The following CTH variants were observed in gnomAD, a reference collection of about 807,000 sequenced individuals.
The protein encoded by CTH is cystathionine gamma-lyase.
Under a neutral mutation model 50.6 loss-of-function variants are expected in CTH, and 41 were observed. The ratio of observed to expected loss-of-function variants is 0.81; its 90% CI spans 0.63 to 1.05. The LOEUF (loss-of-function observed/expected upper bound fraction) is 1.05. Ranked by LOEUF, CTH falls within the 50% of genes least tolerant of loss-of-function variation. The probability of loss-of-function intolerance (pLI) is 0.00; values close to 1 mark genes in which losing one functional copy is unlikely to be tolerated. For missense variants in CTH, 470 were observed against 492.6 expected, an observed-to-expected ratio of 0.95 and a Z score of 0.43; for synonymous variants, 156 against 168.9, an observed-to-expected ratio of 0.92 and a Z score of 0.59.
At chr1:70,416,235 A>C (rs1224138371) in intron 2 of CTH, among the ~76,000 whole-genome samples, 198 bp downstream of exon 2, 1 of 152,214 alleles carries the variant, frequency 6.6e-6, no homozygotes, top group Admixed American at 6.5e-5. Context: ...AATACGTATG[A>C]ATAGAGGACA....
At chr1:70,437,268 C>T (rs929990417) in intron 10 of CTH, among the ~76,000 whole-genome samples, 2 of 152,160 alleles carry the variant, frequency 1.3e-5, no homozygotes, top group African/African-American at 2.4e-5. Flanking sequence ...ACCCAATAAA[C>T]GTTAGCACCT....
chr1:70,417,853 A>G, intron 2 of CTH, 84 bp from the exon 3 acceptor site: 1 of 1,480,402 alleles, frequency 6.8e-7, no homozygotes, highest in Non-Finnish European at 9.4e-7. Flanking sequence ...ATCTGCATTA[A>G]AGTAAGTCAG....
intron 3 of CTH, among the ~76,000 whole-genome samples, chr1:70,421,126 A>G (rs1181653905): frequency 1.3e-5 from 2 of 152,216 alleles, no homozygotes; most frequent in Non-Finnish European, 2.9e-5. Context: ...CTACATAACA[A>G]AAAGATCAAA....
At chr1:70,425,231 CTTTA>C (rs1684322550) in intron 5 of CTH, among the ~76,000 whole-genome samples, 1 of 152,216 alleles carries the variant, frequency 6.6e-6, no homozygotes, top group East Asian at 1.9e-4. Flanking sequence ...TGAACTTTTA[CTTTA>C]TTTATTTTAC....
chr1:70,431,985 C>T, intron 7 of CTH, 98 bp from the exon 8 acceptor site: 3 of 1,258,666 alleles, frequency 2.4e-6, no homozygotes, highest in Non-Finnish European at 3.5e-6. Flanking sequence ...GAGCTTTACA[C>T]CTAGCTTCTG....
intron 1 of CTH, 93 bp downstream of exon 1, chr1:70,411,676 A>G: frequency 6.6e-7 from 1 of 1,517,032 alleles, no homozygotes; most frequent in East Asian, 2.3e-5. Flanking sequence ...TTATAATATG[A>G]CTTATAAATT....
At position 70,432,092 on chromosome 1, in the gene CTH, C is replaced by T; in HGVS notation, c.734C>T (p.Ala245Val). ...RLRFLQNSLG[A>V]VPSPIDCYLC... ...TGTGTTCATTTTGCAGCTCTTGGAG[C>T]AGTTCCATCTCCTATTGATTGTTAC... The change falls in exon 8 of 12, where the codon GCA (alanine) becomes GTA (valine). Residue 245 changes from alanine (A) to valine (V), a missense_variant. Ala to Val is a moderately conservative substitution (Grantham distance 64, BLOSUM62 0). Coordinates refer to ENST00000370938, the MANE Select transcript of CTH (RefSeq NM_001902.6). 1 of 1,614,048 alleles carries T rather than the reference C, an allele frequency of 6.2e-7. No individual in the cohort carries two copies. The highest frequency in any genetic ancestry group is 8.5e-7 in the Non-Finnish European group (1 of 1,180,004).
At chr1:70,432,631 A>G (rs1173634046) in intron 8 of CTH, among the ~76,000 whole-genome samples, 2 of 150,310 alleles carry the variant, frequency 1.3e-5, no homozygotes, top group Non-Finnish European at 3.0e-5. Context: ...GGTTTGTCCC[A>G]GTTGAGACTT....
At chr1:70,432,336 T>A in intron 8 of CTH, 101 bp downstream of exon 8, 1 of 1,424,224 alleles carries the variant, frequency 7.0e-7, no homozygotes, top group South Asian at 1.2e-5. Flanking sequence ...TGCTTTCACG[T>A]ATTGTTTTTG....
chr1:70,412,737 G>A (rs1683995964), intron 1 of CTH, among the ~76,000 whole-genome samples: 1 of 152,158 alleles, frequency 6.6e-6, no homozygotes, highest in African/African-American at 2.4e-5. Context: ...CTGTATAAAT[G>A]GGGATAATAA....
chr1:70,417,969 G>A lies in CTH; in HGVS notation c.283G>A (p.Val95Ile). The change falls in exon 3 of 12, where the codon GTA becomes ATA. Residue 95 changes from valine to isoleucine, a missense_variant. Transcript: ENST00000370938. ...CTTTGCTTCAGGTTTAGCAGCCACT[G>A]TAACTATTACCCATCTTTTAAAAGC... The part of the protein sequence containing the change: ...LAFASGLAAT[V>I]TITHLLKAGD... 1.2e-6 allele frequency: 2 copies of A among 1,614,088 alleles called. No homozygotes were observed. Among genetic ancestry groups the A allele is most frequent in the Non-Finnish European group, 1.7e-6 (2 of 1,180,004 alleles).
At position 70,439,276 on chromosome 1, in the gene CTH, T is replaced by A; in HGVS notation, c.*149T>A. On this transcript the variant is annotated 3_prime_UTR_variant, in exon 12 of 12. Coordinates refer to ENST00000370938, the MANE Select transcript of CTH (RefSeq NM_001902.6). ...TTCATAACTGTAATTTTCTTAGGGA[T>A]CATCTCTGTTAAAAAGTTTTCTGTA... 1.4e-6 allele frequency: 1 copy of A among 722,910 alleles called. No homozygotes were observed. Among genetic ancestry groups the A allele is most frequent in the South Asian group, 1.6e-5 (1 of 62,898 alleles). The allele number at this position is 722,910 out of a possible 1,614,324, so 44.8% of individuals were successfully genotyped here.
chr1:70,411,331 T>A lies in CTH; in HGVS notation c.-85T>A, dbSNP rs1395770012. The A allele has an allele frequency of 4.3e-6, 6 of 1,402,356 alleles. No individual in the cohort carries two copies. The African/African-American group carries it at 7.1e-5, about 17-fold the overall frequency. 86.9% of individuals were successfully genotyped at this position (1,402,356 alleles called of 1,614,324 possible). On this transcript the variant is annotated 5_prime_UTR_variant, in exon 1 of 12. Transcript: ENST00000370938. ...CTTTAGCTCCTTCTCGCCTGATCCT[T>A]CTGTCTCTCCCAACCCCGGACACCC...
rs550282609 is a variant in CTH at position 70,435,172 on chromosome 1, G to A, written c.1047G>A (p.Glu349=). 8.4e-5 allele frequency: 136 copies of A among 1,612,840 alleles called. 2 individuals are homozygous for A. The South Asian group carries it at 1.0e-3, about 12-fold the overall frequency. Residue 349 remains glutamate (E), a synonymous_variant, in exon 10 of 12, where the codon GAG becomes GAA. Coordinates refer to ENST00000370938, the MANE Select transcript of CTH (RefSeq NM_001902.6). Reference sequence around the variant, plus strand: ...TGGGAGGATTCGAAAGCCTTGCTGAGCTTCCGTAAGTATAGTTCTGTTTTT... The same window carrying A: ...TGGGAGGATTCGAAAGCCTTGCTGAACTTCCGTAAGTATAGTTCTGTTTTT... ...ESLGGFESLA[E]LPAIMTHASV... is the part of the protein sequence containing the mutation.
chr1:70,430,156 A>G (rs1296862885), intron 6 of CTH, among the ~76,000 whole-genome samples, 161 bp from the exon 7 acceptor site: 1 of 152,162 alleles, frequency 6.6e-6, no homozygotes, highest in African/African-American at 2.4e-5. Context: ...AGCTTTTGCT[A>G]CTGTCCAGTT....
intron 5 of CTH, among the ~76,000 whole-genome samples, chr1:70,426,909 G>T (rs1301813532): frequency 6.6e-6 from 1 of 152,050 alleles, no homozygotes; most frequent in Non-Finnish European, 1.5e-5. Flanking sequence ...GACCTGCCCG[G>T]GTTACTCATC....
rs759183340 is a variant in CTH at position 70,438,687 on chromosome 1, G to C, written c.1053-1G>C. 1.9e-6 allele frequency: 3 copies of C among 1,613,990 alleles called. No individual in the cohort carries two copies. On this transcript the variant is annotated splice_acceptor_variant, in intron 10 of 11. Transcript: ENST00000370938. LOFTEE classifies it high-confidence loss of function. ...AAAAATTTGCTCATGTCTTCTTTCA[G>C]GGCAATCATGACTCATGCATCAGTT...
At chr1:70,418,727 A>T (rs766274019) in intron 3 of CTH, among the ~76,000 whole-genome samples, 9 of 152,184 alleles carry the variant, frequency 5.9e-5, no homozygotes, top group Non-Finnish European at 1.2e-4. Flanking sequence ...TCAAGAGTTC[A>T]ACCCCACACA....
At chr1:70,413,555 C>T (rs1224075641) in intron 1 of CTH, among the ~76,000 whole-genome samples, 1 of 151,402 alleles carries the variant, frequency 6.6e-6, no homozygotes, top group East Asian at 2.0e-4. Flanking sequence ...TGAGCCACGG[C>T]GCCCGGCTCA....
Sources: gnomAD v4.1 joint callset for allele counts (sites outside exome capture counted in the v4.1 genomes callset) on GRCh38, gnomAD v4.1.1 for gene constraint, MANE v1.5 for transcripts, NCBI Gene and HGNC (gene_info 2026-07-23, HGNC 2026-07-21) for gene names.